Variants in IMMT observed in about 807,000 individuals in gnomAD.
IMMT encodes inner membrane mitochondrial protein.
In IMMT, 40 loss-of-function variants were observed where a neutral mutation model predicts 92.7. That is an observed-to-expected ratio of 0.43 (90% CI 0.34 to 0.56). The LOEUF (loss-of-function observed/expected upper bound fraction) is 0.56, where lower values mean the gene tolerates loss of function less well. Among genes scored for constraint, IMMT ranks in the 20% least tolerant of loss-of-function variants. IMMT has a pLI of 0.03. For synonymous variants in IMMT, 322 were observed against 336.1 expected, an observed-to-expected ratio of 0.96 and a Z score of 0.46; for missense variants, 831 against 912.1, an observed-to-expected ratio of 0.91 and a Z score of 1.14.
In IMMT at chr2:86,187,427, T is replaced by G. The variant is rs115668117; in HGVS notation, c.46-6055A>C. ...CCTTTTTATGGCTGAATCTAATATT[T>G]TATCACGTAAATATACCATATTTTG... is the stretch of plus-strand genomic sequence containing the variant. On this transcript the variant is annotated intron_variant, in intron 1 of 14. Coordinates refer to ENST00000410111, the MANE Select transcript of IMMT (RefSeq NM_006839.3). Among the ~76,000 whole-genome samples the G allele has an allele frequency of 1.7e-3, 259 of 152,348 alleles. 2 individuals carry two copies. Among genetic ancestry groups the G allele is most frequent in the African/African-American group, 5.9e-3 (247 of 41,586 alleles).
chr2:86,149,026 G>A (rs1228457743), intron 12 of IMMT, among the ~76,000 whole-genome samples: 1 of 150,242 alleles, frequency 6.7e-6, no homozygotes, highest in Non-Finnish European at 1.5e-5. Flanking sequence ...ATCTGAGATT[G>A]TGATACATAT....
intron 12 of IMMT, among the ~76,000 whole-genome samples, chr2:86,151,063 C>A (rs1397909828): frequency 6.6e-6 from 1 of 151,920 alleles, no homozygotes; most frequent in East Asian, 1.9e-4. Context: ...ATTACAGGTG[C>A]GAGCCACCAC....
chr2:86,157,467 G>T (rs1675929832), intron 10 of IMMT, among the ~76,000 whole-genome samples: 1 of 152,140 alleles, frequency 6.6e-6, no homozygotes. Flanking sequence ...TGAGAAGTCT[G>T]CTTTCTAACA....
intron 1 of IMMT, among the ~76,000 whole-genome samples, chr2:86,185,570 G>A (rs913435243): frequency 1.3e-5 from 2 of 152,084 alleles, no homozygotes; most frequent in Admixed American, 6.5e-5. Context: ...AACATTAAAG[G>A]TGTTACCTAC....
At chr2:86,186,042 CTG>C (rs1280432630) in intron 1 of IMMT, among the ~76,000 whole-genome samples, 27 of 152,254 alleles carry the variant, frequency 1.8e-4, no homozygotes, top group Non-Finnish European at 2.9e-5. Flanking sequence ...AGTGATTATC[CTG>C]TGTCTGTCAT....
intron 11 of IMMT, 68 bp downstream of exon 11, chr2:86,153,492 C>T (rs1242206693): frequency 1.2e-5 from 10 of 842,878 alleles, no homozygotes; most frequent in Non-Finnish European, 1.8e-5. Flanking sequence ...ATAGGCACAA[C>T]AAAAAGACTT....
At chr2:86,145,494 C>CAAAAA (rs10554362) in intron 14 of IMMT, among the ~76,000 whole-genome samples, 219 of 75,800 alleles carry the variant, frequency 2.9e-3, no homozygotes, top group East Asian at 7.0e-3. Context: ...GACTCTGTCT[C>CAAAAA]AAAAAAAAAA....
At chr2:86,164,472 C>G (rs1412666565) in intron 7 of IMMT, among the ~76,000 whole-genome samples, 11 of 151,648 alleles carry the variant, frequency 7.3e-5, no homozygotes, top group Admixed American at 7.2e-4. Context: ...AGGTAGATCA[C>G]TTGAGGTCAT....
In IMMT at chr2:86,178,703, A is replaced by G. The variant is rs532749479; in HGVS notation, c.309+730T>C. 7.2e-5 allele frequency among the ~76,000 whole-genome samples: 11 copies of G among 152,306 alleles called. 1 individual carries two copies. The South Asian group carries it at 2.1e-3, about 29-fold the overall frequency. The stretch of plus-strand genomic sequence containing the variant: ...ACAGACAAAACACAACTGGCTCTCC[A>G]TATCTGTAGGTTCTACATCCATAGA... On this transcript the variant is annotated intron_variant, in intron 3 of 14. Transcript: ENST00000410111.
intron 5 of IMMT, 28 bp downstream of exon 5, chr2:86,171,180 A>G: frequency 6.4e-7 from 1 of 1,552,546 alleles, no homozygotes; most frequent in Non-Finnish European, 8.7e-7. Flanking sequence ...ATCATGTATA[A>G]AAGAACAAAT....
At position 86,168,936 on chromosome 2, in the gene IMMT, G is replaced by A. The variant is rs372873750; in HGVS notation, c.655+1813C>T. 1.5e-4 allele frequency among the ~76,000 whole-genome samples: 23 copies of A among 152,336 alleles called. 1 individual carries two copies. The East Asian group carries it at 4.1e-3, about 27-fold the overall frequency. On this transcript the variant is annotated intron_variant, in intron 6 of 14. Coordinates refer to ENST00000410111, the MANE Select transcript of IMMT (RefSeq NM_006839.3). ...GAGTGAACAGTGGACATCAAGTACAGGCAGTTGTGAACCACTTTATGGAGG... is the reference window on the plus strand; with the variant it reads ...GAGTGAACAGTGGACATCAAGTACAAGCAGTTGTGAACCACTTTATGGAGG...
At chr2:86,153,952 T>C (rs1259445495) in intron 10 of IMMT, among the ~76,000 whole-genome samples, 1 of 152,180 alleles carries the variant, frequency 6.6e-6, no homozygotes, top group African/African-American at 2.4e-5. Flanking sequence ...AACCTCCACC[T>C]GCTGGGCTCA....
At chr2:86,161,512 CTT>C (rs35243118) in intron 8 of IMMT, among the ~76,000 whole-genome samples, 335 of 108,404 alleles carry the variant, frequency 3.1e-3, no homozygotes, top group Middle Eastern at 0.012. Context: ...GTACAAATTC[CTT>C]TTTTTTTTTT....
Position 86,158,582 on chromosome 2 carries a change from T to C in IMMT, c.1162+10A>G. ...CATCAAAAAAAAAACATTACTTCAG[T>C]TGTACTCACTCATTCCTTTCCACCC... is the stretch of plus-strand genomic sequence containing the variant. On this transcript the variant is annotated intron_variant, in intron 10 of 14. Transcript: ENST00000410111. The C allele has an allele frequency of 1.3e-6, 2 of 1,589,606 alleles. No homozygotes were observed. The highest frequency in any genetic ancestry group is 1.7e-6 in the Non-Finnish European group (2 of 1,165,574).
At chr2:86,152,997 T>C (rs1675588630) in intron 11 of IMMT, among the ~76,000 whole-genome samples, 1 of 152,176 alleles carries the variant, frequency 6.6e-6, no homozygotes, top group Non-Finnish European at 1.5e-5. Context: ...AAAGACTCAT[T>C]CTATGAAATA....
At chr2:86,164,680 A>T (rs1573908174) in intron 7 of IMMT, among the ~76,000 whole-genome samples, 1 of 100,522 alleles carries the variant, frequency 9.9e-6, no homozygotes, top group Admixed American at 1.1e-4. Context: ...ACAGAGCAAG[A>T]CTCTGTCTCA....
intron 1 of IMMT, among the ~76,000 whole-genome samples, chr2:86,192,807 A>C (rs1673232997): frequency 6.6e-6 from 1 of 152,060 alleles, no homozygotes; most frequent in African/African-American, 2.4e-5. Context: ...AGTTAAGCAA[A>C]CCTGTGAGAA....
At chr2:86,162,126 CAT>C in intron 7 of IMMT, 47 bp from the exon 8 acceptor site, 1 of 1,177,528 alleles carries the variant, frequency 8.5e-7, no homozygotes, top group Non-Finnish European at 1.2e-6. Flanking sequence ...CTATTATTGT[CAT>C]ATGATAGGCC....
intron 6 of IMMT, 80 bp from the exon 7 acceptor site, chr2:86,166,724 G>C: frequency 7.6e-7 from 1 of 1,313,326 alleles, no homozygotes; most frequent in African/African-American, 1.5e-5. Context: ...CTCCTATCTA[G>C]TCTTCCATTG....
Sources: allele counts gnomAD v4.1 joint callset (sites outside exome capture counted in the v4.1 genomes callset), GRCh38; gene constraint gnomAD v4.1.1; transcripts MANE v1.5; gene names NCBI Gene and HGNC (gene_info 2026-07-23, HGNC 2026-07-21).